Variants in LRRC28 observed in about 807,000 individuals in gnomAD.
LRRC28 encodes leucine-rich repeat-containing protein 28.
LRRC28 carries 39 observed loss-of-function variants against 45.7 expected under a neutral mutation model. The observed-to-expected ratio is 0.85, with a 90% CI of 0.66 to 1.12. The LOEUF (loss-of-function observed/expected upper bound fraction) is 1.12, where lower values mean the gene tolerates loss of function less well. LRRC28 is among the 50% of genes most tolerant of loss of function. The pLI, the probability that LRRC28 is intolerant of heterozygous loss-of-function variation, is 0.00. For synonymous variants in LRRC28, 206 were observed against 178.8 expected, an observed-to-expected ratio of 1.15 and a Z score of -1.22; for missense variants, 435 against 438.5, an observed-to-expected ratio of 0.99 and a Z score of 0.07.
rs779348807 is a variant in LRRC28 at position 99,333,930 on chromosome 15, C to A, written c.393C>A (p.Gly131=). The change falls in exon 6 of 10, where the codon GGC becomes GGA. Residue 131 remains glycine, a synonymous_variant. Transcript: ENST00000301981. ...TTTTGATTTTGGTTGTAGAGGTTGGCGATTTGAAGGAGCTGCAGACACTAG... is the reference window on the plus strand; with the variant it reads ...TTTTGATTTTGGTTGTAGAGGTTGGAGATTTGAAGGAGCTGCAGACACTAG... The part of the protein sequence containing the change: ...NQLQFLPPEV[G]DLKELQTLDI... 3 of 1,613,822 alleles carry A rather than the reference C, an allele frequency of 1.9e-6. No homozygotes were observed. Among genetic ancestry groups the A allele is most frequent in the Non-Finnish European group, 2.5e-6 (3 of 1,179,906 alleles).
At chr15:99,251,984 G>GGTC (rs1567591688) in intron 1 of LRRC28, 1 of 152,166 alleles carries the variant, frequency 6.6e-6, no homozygotes, top group Non-Finnish European at 1.5e-5. Context: ...AGTACGGGGA[G>GGTC]GTCAGTATAA....
chr15:99,285,714 A>G (rs2081940225), intron 3 of LRRC28: 2 of 567,240 alleles, frequency 3.5e-6, no homozygotes, highest in South Asian at 1.8e-5. Flanking sequence ...TAATCATAAT[A>G]GTGGGTACTT....
chr15:99,315,429 T>G (rs1410239768), intron 5 of LRRC28, among the ~76,000 whole-genome samples: 1 of 152,140 alleles, frequency 6.6e-6, no homozygotes. Context: ...GAACTTCCAG[T>G]GGAAAGTCAC....
chr15:99,321,444 A>G (rs1955793738), intron 5 of LRRC28, among the ~76,000 whole-genome samples: 1 of 152,226 alleles, frequency 6.6e-6, no homozygotes, highest in Admixed American at 6.5e-5. Flanking sequence ...GCTTGTGGGC[A>G]GCTGGCGTTC....
chr15:99,384,712 G>A (rs796705725), intron 9 of LRRC28: 2 of 152,292 alleles, frequency 1.3e-5, no homozygotes, highest in African/African-American at 4.8e-5. Context: ...GTTACCTTCT[G>A]TTCCAGTGAT....
intron 2 of LRRC28, among the ~76,000 whole-genome samples, chr15:99,269,769 A>G (rs1207595716): frequency 1.3e-5 from 2 of 152,222 alleles, no homozygotes; most frequent in Non-Finnish European, 2.9e-5. Flanking sequence ...CCACATTTTA[A>G]GTGCTTCATA....
rs1172328089 is a variant in LRRC28 at position 99,387,192 on chromosome 15, C to T, written c.*1090C>T. ...TCTCCTGCCTCAGCCTCCCAAGTAG[C>T]TGGGACCACAGGCGCCCGCCACCAC... On this transcript the variant is annotated 3_prime_UTR_variant, in exon 10 of 10. Coordinates refer to ENST00000301981, the MANE Select transcript of LRRC28 (RefSeq NM_144598.5). 1 of 144,176 alleles carries T rather than the reference C, an allele frequency of 6.9e-6. No homozygotes were observed. Among genetic ancestry groups the T allele is most frequent in the Non-Finnish European group, 1.5e-5 (1 of 65,692 alleles). 8.9% of individuals were successfully genotyped at this position (144,176 alleles called of 1,614,324 possible). A position where few individuals can be genotyped will look rare whatever the true frequency, so the allele number is the denominator to read the frequency against.
chr15:99,297,601 A>T (rs2082299209), intron 5 of LRRC28, among the ~76,000 whole-genome samples: 1 of 151,538 alleles, frequency 6.6e-6, no homozygotes. Context: ...CTTTATTATT[A>T]ATTGTAACTT....
At chr15:99,259,118 A>T in intron 2 of LRRC28, 1 of 1,326,504 alleles carries the variant, frequency 7.5e-7, no homozygotes, top group Non-Finnish European at 1.1e-6. Context: ...AGACCACTCG[A>T]ATCGAACATG....
intron 6 of LRRC28, among the ~76,000 whole-genome samples, chr15:99,336,031 T>TATA (rs1440146128): frequency 6.6e-6 from 1 of 152,220 alleles, no homozygotes; most frequent in African/African-American, 2.4e-5. Context: ...TGGGGTCGCC[T>TATA]ATACTACTAT....
intron 3 of LRRC28, among the ~76,000 whole-genome samples, chr15:99,286,032 T>C (rs1014570212): frequency 3.9e-5 from 6 of 152,240 alleles, no homozygotes; most frequent in Non-Finnish European, 5.9e-5. Context: ...TGTCTTATTT[T>C]GTGTTTATTG....
chr15:99,378,065 T>C (rs1034942399), intron 9 of LRRC28, among the ~76,000 whole-genome samples: 1 of 152,204 alleles, frequency 6.6e-6, no homozygotes, highest in African/African-American at 2.4e-5. Flanking sequence ...AGTAGTTTTT[T>C]CCAATTCTGT....
At chr15:99,365,130 T>C (rs891905951) in intron 9 of LRRC28, among the ~76,000 whole-genome samples, 2 of 152,214 alleles carry the variant, frequency 1.3e-5, no homozygotes, top group African/African-American at 2.4e-5. Flanking sequence ...GAAAATAAAG[T>C]AGATCCTTCA....
chr15:99,286,534 ATTG>A (rs1342649718), intron 3 of LRRC28, among the ~76,000 whole-genome samples: 2 of 152,196 alleles, frequency 1.3e-5, no homozygotes, highest in African/African-American at 4.8e-5. Flanking sequence ...TTCTTAAATT[ATTG>A]TTGTGTGATC....
At chr15:99,267,442 T>C (rs1203268543) in intron 2 of LRRC28, among the ~76,000 whole-genome samples, 1 of 152,238 alleles carries the variant, frequency 6.6e-6, no homozygotes, top group Non-Finnish European at 1.5e-5. Flanking sequence ...TCATTTTGAA[T>C]TCCAGAGCAA....
At chr15:99,319,047 A>G (rs1955699850) in intron 5 of LRRC28, among the ~76,000 whole-genome samples, 1 of 152,168 alleles carries the variant, frequency 6.6e-6, no homozygotes. Context: ...CATCATTATT[A>G]TATCATTCTT....
chr15:99,276,060 A>G (rs1268646397), intron 2 of LRRC28, among the ~76,000 whole-genome samples: 1 of 151,860 alleles, frequency 6.6e-6, no homozygotes, highest in Non-Finnish European at 1.5e-5. Flanking sequence ...TGCACATGTG[A>G]GTGATCTAGT....
chr15:99,369,203 CTTTT>C (rs1055697744), intron 9 of LRRC28, among the ~76,000 whole-genome samples: 1 of 152,100 alleles, frequency 6.6e-6, no homozygotes, highest in African/African-American at 2.4e-5. Context: ...TCCTGCCTTT[CTTTT>C]GTGAGCCCTC....
rs1241924870 is a variant in LRRC28, at chr15:99,387,015, A to G, written c.*913A>G. The G allele has an allele frequency of 1.3e-5, 2 of 152,078 alleles. No individual in the cohort carries two copies. Among genetic ancestry groups the G allele is most frequent in the Non-Finnish European group, 2.9e-5 (2 of 68,020 alleles). The allele number at this position is 152,078 out of a possible 1,614,324, so 9.4% of individuals were successfully genotyped here. A position where few individuals can be genotyped will look rare whatever the true frequency, so the allele number is the denominator to read the frequency against. On this transcript the variant is annotated 3_prime_UTR_variant, in exon 10 of 10. Coordinates refer to ENST00000301981, the MANE Select transcript of LRRC28 (RefSeq NM_144598.5). ...ATGATTCAGTTTATACTGACTTTGAAATATTTTTGTCACATGTGAAAGGCT... is the reference window on the plus strand; with the variant it reads ...ATGATTCAGTTTATACTGACTTTGAGATATTTTTGTCACATGTGAAAGGCT...
Sources: allele counts gnomAD v4.1 joint callset (sites outside exome capture counted in the v4.1 genomes callset), GRCh38; gene constraint gnomAD v4.1.1; transcripts MANE v1.5; gene names NCBI Gene and HGNC (gene_info 2026-07-23, HGNC 2026-07-21).